Variants in CMAS observed in about 807,000 individuals in gnomAD.
CMAS encodes the protein cytidine monophosphate N-acetylneuraminic acid synthetase, also known as N-acylneuraminate cytidylyltransferase.
Under a neutral mutation model 53.4 loss-of-function variants are expected in CMAS, and 21 were observed. The observed-to-expected ratio is 0.39, with a 90% confidence interval of 0.28 to 0.57. The LOEUF (loss-of-function observed/expected upper bound fraction) is 0.57, where lower values mean the gene tolerates loss of function less well. CMAS is among the 20% of genes least tolerant of loss of function. CMAS has a pLI of 0.56. For missense variants in CMAS, 384 were observed against 534.9 expected, an observed-to-expected ratio of 0.72 and a Z score of 2.78; for synonymous variants, 189 against 195.2, an observed-to-expected ratio of 0.97 and a Z score of 0.27.
intron 7 of CMAS, 50 bp downstream of exon 7, chr12:22,062,484 T>A: frequency 6.9e-7 from 1 of 1,452,342 alleles, no homozygotes; most frequent in Non-Finnish European, 9.4e-7. Context: ...GAATTAATTA[T>A]TTACTTATTT....
At chr12:22,057,268 C>G (rs183156121) in intron 3 of CMAS, among the ~76,000 whole-genome samples, 1 of 147,228 alleles carries the variant, frequency 6.8e-6, no homozygotes, top group East Asian at 2.1e-4. Context: ...CACACACACA[C>G]ACACACAGAT....
At chr12:22,058,402 G>A (rs555566095) in intron 3 of CMAS, among the ~76,000 whole-genome samples, 165 bp from the exon 4 acceptor site, 10 of 149,538 alleles carry the variant, frequency 6.7e-5, no homozygotes, top group African/African-American at 2.5e-4. Context: ...TCCAGCCTGG[G>A]TGACAGAGCG....
chr12:22,060,621 T>A (rs1418606481), intron 4 of CMAS: 1 of 421,720 alleles, frequency 2.4e-6, no homozygotes, highest in Non-Finnish European at 4.3e-6. Flanking sequence ...ACCATTGCAC[T>A]CCAGCCTGGG....
chr12:22,058,788 A>C lies in CMAS; in HGVS notation c.693+88A>C, dbSNP rs184606205. ...GGAAGAAGTATGGTACAATTTCTTTATGATAAAGAAAAGTATCAACCTATA... is the reference window on the plus strand; with the variant it reads ...GGAAGAAGTATGGTACAATTTCTTTCTGATAAAGAAAAGTATCAACCTATA... On this transcript the variant is annotated intron_variant, in intron 4 of 7. Transcript: ENST00000229329. 3.9e-5 allele frequency: 57 copies of C among 1,446,500 alleles called. No homozygotes were observed. The East Asian group carries it at 1.2e-3, about 30-fold the overall frequency. The allele number at this position is 1,446,500 out of a possible 1,614,324, so 89.6% of individuals were successfully genotyped here.
At chr12:22,060,672 A>G in intron 4 of CMAS, 160 bp from the exon 5 acceptor site, 1 of 524,064 alleles carries the variant, frequency 1.9e-6, no homozygotes, top group South Asian at 2.7e-5. Flanking sequence ...AAAAAAGTAA[A>G]AATAAATTTA....
chr12:22,046,252 G>T lies in CMAS; in HGVS notation c.-52G>T. ...TCGGGCGGCGCCGAGCTGAGGTGGT[G>T]AGGGACTAGCTCCCGGATGTGGAGA... is the stretch of plus-strand genomic sequence containing the variant. On this transcript the variant is annotated 5_prime_UTR_variant, in exon 1 of 8. Coordinates refer to ENST00000229329, the MANE Select transcript of CMAS (RefSeq NM_018686.6). 1 of 1,396,252 alleles carries T rather than the reference G, an allele frequency of 7.2e-7. No homozygotes were observed. Among genetic ancestry groups the T allele is most frequent in the African/African-American group, 1.5e-5 (1 of 65,540 alleles). The allele number at this position is 1,396,252 out of a possible 1,614,324, so 86.5% of individuals were successfully genotyped here. A position where few individuals can be genotyped will look rare whatever the true frequency, so the allele number is the denominator to read the frequency against.
intron 1 of CMAS, 73 bp from the exon 2 acceptor site, chr12:22,055,076 G>T: frequency 8.8e-7 from 1 of 1,141,668 alleles, no homozygotes. Context: ...TGTATTTTAT[G>T]GTTACAGAGC....
rs372322273 is a variant in CMAS at position 22,058,614 on chromosome 12, C to T, written c.607C>T (p.Arg203Cys). Residue 203 changes from arginine to cysteine, a missense_variant, in exon 4 of 8, where the codon CGT becomes TGT. Arg to Cys is a radical substitution (Grantham distance 180, BLOSUM62 -3). Around this residue, in one of 3 missense-constraint regions of CMAS, gnomAD observed 139 missense variants for 248.0 expected, o/e 0.56. Coordinates refer to ENST00000229329, the MANE Select transcript of CMAS (RefSeq NM_018686.6). ...GAATTTAAATCCAGCTAAACGGCCTCGTCGACAAGACTGGGATGGAGAATT... is the reference window on the plus strand; with the variant it reads ...GAATTTAAATCCAGCTAAACGGCCTTGTCGACAAGACTGGGATGGAGAATT... The part of the protein sequence containing the change: ...PLNLNPAKRP[R>C]RQDWDGELYE... 1.5e-5 allele frequency: 24 copies of T among 1,613,404 alleles called. No homozygotes were observed. The highest frequency in any genetic ancestry group is 1.9e-5 in the Non-Finnish European group (22 of 1,179,768).
In CMAS at chr12:22,046,567, C is replaced by A; in HGVS notation, c.260+4C>A. The A allele has an allele frequency of 6.5e-7, 1 of 1,550,162 alleles. No individual in the cohort carries two copies. The highest frequency in any genetic ancestry group is 8.7e-7 in the Non-Finnish European group (1 of 1,148,236). Reference sequence around the variant, plus strand: ...TGGATTCAGGGGCCTTCCAGAGGTGCGCATGTGCGAGAGTGGGCGGCGCGG... The same window carrying A: ...TGGATTCAGGGGCCTTCCAGAGGTGAGCATGTGCGAGAGTGGGCGGCGCGG... On this transcript the variant is annotated splice_donor_region_variant and intron_variant, in intron 1 of 7. Coordinates refer to ENST00000229329, the MANE Select transcript of CMAS (RefSeq NM_018686.6).
intron 1 of CMAS, among the ~76,000 whole-genome samples, chr12:22,046,900 G>T (rs373416505): frequency 8.7e-4 from 132 of 152,316 alleles, no homozygotes; most frequent in Non-Finnish European, 1.5e-3. Flanking sequence ...GGCCACCCCG[G>T]TGCAACATCT....
intron 4 of CMAS, among the ~76,000 whole-genome samples, chr12:22,059,150 T>A (rs1477146): frequency 0.64 from 70,808 of 111,502 alleles, 20,699 homozygotes; most frequent in Middle Eastern, 0.82. Context: ...ATATATATAT[T>A]TTTTTTTTTT....
At chr12:22,063,826 G>A (rs1950325474) in intron 7 of CMAS, 1 of 151,758 alleles carries the variant, frequency 6.6e-6, no homozygotes, top group Admixed American at 6.6e-5. Flanking sequence ...CAGGCATGAT[G>A]GCTCATGCCT....
At chr12:22,058,742 TA>T in intron 4 of CMAS, 42 bp downstream of exon 4, 1 of 1,590,760 alleles carries the variant, frequency 6.3e-7, no homozygotes, top group Non-Finnish European at 8.6e-7. Flanking sequence ...AGCGCTTTTG[TA>T]GGCATACTTT....
At chr12:22,061,960 T>C (rs1950310960) in intron 6 of CMAS, among the ~76,000 whole-genome samples, 1 of 152,156 alleles carries the variant, frequency 6.6e-6, no homozygotes, top group Non-Finnish European at 1.5e-5. Context: ...TCTGGATAAA[T>C]TGAATTATAG....
intron 1 of CMAS, among the ~76,000 whole-genome samples, chr12:22,049,904 C>CAA (rs11354131): frequency 6.3e-5 from 9 of 141,736 alleles, no homozygotes; most frequent in African/African-American, 1.3e-4. Context: ...GACTCTGTCT[C>CAA]AAAAAAAAAA....
At chr12:22,060,777 G>C in intron 4 of CMAS, 55 bp from the exon 5 acceptor site, 1 of 972,140 alleles carries the variant, frequency 1.0e-6, no homozygotes, top group Non-Finnish European at 1.7e-6. Flanking sequence ...ATAAAGTTTT[G>C]ATATATGTGA....
intron 1 of CMAS, among the ~76,000 whole-genome samples, chr12:22,048,665 CTG>C (rs1950221599): frequency 6.6e-6 from 1 of 152,196 alleles, no homozygotes; most frequent in African/African-American, 2.4e-5. Flanking sequence ...CCACACAAAA[CTG>C]TTTCCTCAAG....
rs1406331826 is a variant in CMAS at position 22,046,513 on chromosome 12, G to A, written c.210G>A (p.Pro70=). The A allele has an allele frequency of 1.2e-6, 2 of 1,604,064 alleles. No individual in the cohort carries two copies. The highest frequency in any genetic ancestry group is 2.3e-5 in the East Asian group (1 of 44,018). The change falls in exon 1 of 8, where the codon CCG becomes CCA. Residue 70 remains proline, a synonymous_variant. Transcript: ENST00000229329. Reference sequence around the variant, plus strand: ...ACATTAAGCACCTGGCGGGGGTCCCGCTCATTGGCTGGGTCCTGCGTGCGG... The same window carrying A: ...ACATTAAGCACCTGGCGGGGGTCCCACTCATTGGCTGGGTCCTGCGTGCGG... ...LKNIKHLAGV[P]LIGWVLRAAL...
In CMAS at chr12:22,060,688, C is replaced by A. The variant is rs575044070; in HGVS notation, c.694-144C>A. 120 of 542,216 alleles carry A rather than the reference C, an allele frequency of 2.2e-4. No individual in the cohort carries two copies. The South Asian group carries it at 3.2e-3, about 15-fold the overall frequency. The allele number at this position is 542,216 out of a possible 1,614,324, so 33.6% of individuals were successfully genotyped here. A position where few individuals can be genotyped will look rare whatever the true frequency, so the allele number is the denominator to read the frequency against. ...AAAAAGTAAAAATAAATTTAAAAAT[C>A]ATTTTTATGTGACTGATTTTTACTG... On this transcript the variant is annotated intron_variant, in intron 4 of 7. Transcript: ENST00000229329.
Sources: allele counts gnomAD v4.1 joint callset (sites outside exome capture counted in the v4.1 genomes callset), GRCh38; gene constraint gnomAD v4.1.1; regional missense constraint gnomAD v4.1.1; transcripts MANE v1.5; gene names NCBI Gene and HGNC (gene_info 2026-07-23, HGNC 2026-07-21).